ZFAND3: variants seen among roughly 807,000 people sequenced by gnomAD.
ZFAND3 encodes the protein AN1-type zinc finger protein 3.
A neutral mutation model predicts 29.6 loss-of-function variants in ZFAND3; 10 were observed. The observed-to-expected ratio is 0.34, with a 90% CI of 0.21 to 0.57. ZFAND3 has a LOEUF of 0.57. ZFAND3 is among the 20% of genes least tolerant of loss of function. ZFAND3 has a pLI of 0.86. For synonymous variants in ZFAND3, 128 were observed against 112.6 expected, an observed-to-expected ratio of 1.14 and a Z score of -0.87; for missense variants, 230 against 304.5, an observed-to-expected ratio of 0.76 and a Z score of 1.82.
intron 3 of ZFAND3, among the ~76,000 whole-genome samples, chr6:38,065,293 G>A (rs545598249): frequency 6.6e-6 from 1 of 151,334 alleles, no homozygotes; most frequent in African/African-American, 2.4e-5. Flanking sequence ...CCAGCCTGGC[G>A]ACAGAGTGGG....
intron 2 of ZFAND3, among the ~76,000 whole-genome samples, chr6:37,930,715 A>C (rs1761578766): frequency 6.6e-6 from 1 of 152,154 alleles, no homozygotes; most frequent in South Asian, 2.1e-4. Context: ...ATGAAGTTGA[A>C]ACTTTTAGGT....
chr6:37,962,627 G>A (rs562926326), intron 2 of ZFAND3, among the ~76,000 whole-genome samples: 17 of 151,912 alleles, frequency 1.1e-4, no homozygotes, highest in Admixed American at 3.3e-4. Flanking sequence ...CTGTAAAAAC[G>A]CACCAATCAG....
chr6:37,983,941 A>C (rs1047854611), intron 2 of ZFAND3, among the ~76,000 whole-genome samples: 2 of 152,224 alleles, frequency 1.3e-5, no homozygotes, highest in Admixed American at 6.5e-5. Context: ...CACGTGACTT[A>C]CTTTGGGCAG....
intron 1 of ZFAND3, among the ~76,000 whole-genome samples, chr6:37,923,993 T>C (rs957305739): frequency 2.6e-5 from 4 of 152,216 alleles, no homozygotes; most frequent in Non-Finnish European, 4.4e-5. Flanking sequence ...TGTTTTTTTT[T>C]CTACATTCTG....
At chr6:38,001,466 G>C (rs1283775644) in intron 2 of ZFAND3, among the ~76,000 whole-genome samples, 2 of 152,132 alleles carry the variant, frequency 1.3e-5, no homozygotes, top group African/African-American at 4.8e-5. Flanking sequence ...GTTCTTTCCT[G>C]CCCAGTTCAT....
At chr6:38,049,219 A>G (rs1437736314) in intron 2 of ZFAND3, among the ~76,000 whole-genome samples, 1 of 152,212 alleles carries the variant, frequency 6.6e-6, no homozygotes, top group Non-Finnish European at 1.5e-5. Context: ...GCTATAATTC[A>G]TACCAGAGAA....
At chr6:38,088,307 A>G (rs1764797151) in intron 4 of ZFAND3, 2 of 152,196 alleles carry the variant, frequency 1.3e-5, no homozygotes, top group African/African-American at 2.4e-5. Flanking sequence ...CAAACGTTGT[A>G]CTTTCTCTTT....
intron 2 of ZFAND3, among the ~76,000 whole-genome samples, chr6:38,043,935 G>A (rs1343156368): frequency 2.0e-5 from 3 of 151,972 alleles, no homozygotes; most frequent in Admixed American, 6.6e-5. Flanking sequence ...GAGCCCCTGC[G>A]CCTAGCCCAA....
chr6:38,102,904 G>A (rs558919373), intron 4 of ZFAND3, among the ~76,000 whole-genome samples: 35 of 152,132 alleles, frequency 2.3e-4, no homozygotes, highest in African/African-American at 7.0e-4. Flanking sequence ...CTACAGGCGC[G>A]TGCCACCATG....
chr6:37,914,752 C>T (rs1177888381), intron 1 of ZFAND3, among the ~76,000 whole-genome samples: 7 of 144,016 alleles, frequency 4.9e-5, no homozygotes, highest in Admixed American at 1.4e-4. Flanking sequence ...CTGCCTGCCT[C>T]GGCCTCCCAA....
intron 1 of ZFAND3, among the ~76,000 whole-genome samples, chr6:37,922,012 C>G (rs1051542850): frequency 6.6e-6 from 1 of 151,574 alleles, no homozygotes; most frequent in African/African-American, 2.4e-5. Flanking sequence ...CACAGTGAGC[C>G]GAGATCACAC....
chr6:38,103,956 A>G (rs9462382), intron 4 of ZFAND3, among the ~76,000 whole-genome samples: 5,323 of 152,302 alleles, frequency 0.035, 261 homozygotes, highest in African/African-American at 0.1. Context: ...AAGGTTATCT[A>G]TTGAGGTTCA....
chr6:38,005,677 G>T (rs1000243118), intron 2 of ZFAND3, among the ~76,000 whole-genome samples: 2 of 152,114 alleles, frequency 1.3e-5, no homozygotes, highest in Non-Finnish European at 2.9e-5. Flanking sequence ...TTATACAGTT[G>T]TTACATTCTG....
At chr6:37,935,427 G>A (rs1261689369) in intron 2 of ZFAND3, among the ~76,000 whole-genome samples, 1 of 152,004 alleles carries the variant, frequency 6.6e-6, no homozygotes, top group African/African-American at 2.4e-5. Flanking sequence ...TATAAAAAGC[G>A]AGAAAATTTT....
chr6:38,003,632 G>T, intron 2 of ZFAND3: 1 of 280,178 alleles, frequency 3.6e-6, no homozygotes, highest in Non-Finnish European at 7.1e-6. Context: ...CCAAGTAGCT[G>T]GGACTACAGT....
intron 2 of ZFAND3, among the ~76,000 whole-genome samples, chr6:37,998,238 T>C (rs1762885919): frequency 6.6e-6 from 1 of 152,168 alleles, no homozygotes; most frequent in African/African-American, 2.4e-5. Flanking sequence ...TAGTATGACA[T>C]GGAAGATGGA....
At chr6:38,078,451 A>G (rs574483402) in intron 3 of ZFAND3, among the ~76,000 whole-genome samples, 1 of 152,360 alleles carries the variant, frequency 6.6e-6, no homozygotes, top group South Asian at 2.1e-4. Flanking sequence ...CCGGATAATG[A>G]AGAAACTTGA....
intron 2 of ZFAND3, among the ~76,000 whole-genome samples, chr6:37,938,411 T>C (rs1462663750): frequency 6.6e-6 from 1 of 152,254 alleles, no homozygotes; most frequent in African/African-American, 2.4e-5. Flanking sequence ...CATTATAATG[T>C]GCCCTAATTT....
intron 1 of ZFAND3, among the ~76,000 whole-genome samples, chr6:37,919,398 T>G (rs952262898): frequency 6.6e-6 from 1 of 152,252 alleles, no homozygotes; most frequent in African/African-American, 2.4e-5. Context: ...ATGAACAGAT[T>G]TAAATTCTCC....
Sources: gnomAD v4.1 joint callset for allele counts (sites outside exome capture counted in the v4.1 genomes callset) on GRCh38, gnomAD v4.1.1 for gene constraint, MANE v1.5 for transcripts, NCBI Gene and HGNC (gene_info 2026-07-23, HGNC 2026-07-21) for gene names.